CENPF: variants seen among roughly 807,000 people sequenced by gnomAD.
The protein encoded by CENPF is centromere protein F.
In CENPF, 214 loss-of-function variants were observed where a neutral mutation model predicts 307.3. The ratio of observed to expected loss-of-function variants is 0.70; its 90% CI spans 0.62 to 0.78. CENPF has a LOEUF of 0.78. CENPF is among the 30% of genes least tolerant of loss of function. The pLI, the probability that CENPF is intolerant of heterozygous loss-of-function variation, is 0.00. For missense variants in CENPF, 3,401 were observed against 3,483.9 expected (o/e 0.98, Z 0.60); for synonymous variants, 1,259 against 1,270.6 (o/e 0.99, Z 0.19).
rs111484686 is a variant in CENPF, at chr1:214,641,451, A to G, written c.3113A>G (p.Asp1038Gly). The change falls in exon 12 of 20, where the codon GAT becomes GGT. Residue 1038 changes from aspartate (D) to glycine (G), a missense_variant. Coordinates refer to ENST00000366955, the MANE Select transcript of CENPF (RefSeq NM_016343.4). Reference protein sequence around the residue: ...RCEETGNAYEDLSQKYKAAQE... With the variant: ...RCEETGNAYEGLSQKYKAAQE... ...GAAGAAACCGGAAATGCATATGAGG[A>G]TCTTAGTCAAAAATACAAAGCAGCA... 3.8e-5 allele frequency: 59 copies of G among 1,549,566 alleles called. No individual in the cohort carries two copies. In the African/African-American group the frequency reaches 6.5e-4, roughly 17 times the overall value.
At chr1:214,628,567 C>A (rs1380825732) in intron 7 of CENPF, among the ~76,000 whole-genome samples, 1 of 152,210 alleles carries the variant, frequency 6.6e-6, no homozygotes, top group Non-Finnish European at 1.5e-5. Flanking sequence ...CCTCAGTCTC[C>A]CCAGTAACTG....
intron 12 of CENPF, 38 bp downstream of exon 12, chr1:214,643,362 C>G (rs1425890052): frequency 6.9e-7 from 1 of 1,441,770 alleles, no homozygotes; most frequent in Non-Finnish European, 9.2e-7. Flanking sequence ...TCTCGGTTTA[C>G]ATGACTAGTG....
At chr1:214,618,197 TCCCCACCA>T (rs1376722434) in intron 3 of CENPF, among the ~76,000 whole-genome samples, 15 of 151,932 alleles carry the variant, frequency 9.9e-5, no homozygotes, top group African/African-American at 3.6e-4. Context: ...TCTCACCGGG[TCCCCACCA>T]CCCCACCACA....
At chr1:214,625,098 TTTGA>T (rs1450132207) in intron 7 of CENPF, among the ~76,000 whole-genome samples, 1 of 152,246 alleles carries the variant, frequency 6.6e-6, no homozygotes, top group Non-Finnish European at 1.5e-5. Flanking sequence ...CCAGCTTTCC[TTTGA>T]TTGTTAGCAT....
At chr1:214,614,248 T>C (rs151182311) in intron 2 of CENPF, among the ~76,000 whole-genome samples, 1 of 152,250 alleles carries the variant, frequency 6.6e-6, no homozygotes, top group Non-Finnish European at 1.5e-5. Context: ...TGGAGATTGC[T>C]TTTGCACTGC....
intron 16 of CENPF, among the ~76,000 whole-genome samples, chr1:214,654,872 A>G (rs751977167): frequency 1.3e-5 from 2 of 152,214 alleles, no homozygotes; most frequent in Non-Finnish European, 2.9e-5. Context: ...GTGATTACAA[A>G]TGGGAACACA....
chr1:214,613,672 C>G (rs1280279994), intron 1 of CENPF, 42 bp from the exon 2 acceptor site: 35 of 1,361,440 alleles, frequency 2.6e-5, no homozygotes, highest in Non-Finnish European at 1.9e-5. Context: ...ACTTTGTTTC[C>G]TTTTACTGTG....
At chr1:214,627,641 G>T (rs1657692983) in intron 7 of CENPF, among the ~76,000 whole-genome samples, 1 of 151,946 alleles carries the variant, frequency 6.6e-6, no homozygotes, top group Admixed American at 6.6e-5. Flanking sequence ...CTCCCAAAGT[G>T]CTGGGATTAC....
intron 19 of CENPF, among the ~76,000 whole-genome samples, chr1:214,662,146 A>C (rs959935360): frequency 6.6e-6 from 1 of 151,888 alleles, no homozygotes; most frequent in Non-Finnish European, 1.5e-5. Context: ...TCTGTTTCCT[A>C]TGGGCTATCT....
At chr1:214,660,273 TTC>T (rs1434449493) in intron 19 of CENPF, among the ~76,000 whole-genome samples, 1 of 152,208 alleles carries the variant, frequency 6.6e-6, no homozygotes, top group Admixed American at 6.5e-5. Context: ...CTCTGAGATT[TTC>T]TTTCACTAAA....
intron 16 of CENPF, chr1:214,653,952 G>T (rs893067008): frequency 2.0e-5 from 3 of 152,112 alleles, no homozygotes; most frequent in Non-Finnish European, 4.4e-5. Flanking sequence ...AAAGGGTAAG[G>T]TTTACTGCAA....
At chr1:214,656,465 A>G (rs529582114) in intron 17 of CENPF, among the ~76,000 whole-genome samples, 15 of 152,254 alleles carry the variant, frequency 9.9e-5, no homozygotes, top group African/African-American at 3.6e-4. Flanking sequence ...TTGCCTTCAG[A>G]TGCTTTCAGA....
Position 214,645,461 on chromosome 1 carries a change from G to A in CENPF, c.5891G>A (p.Arg1964His), listed in dbSNP as rs78580151. 875 of 1,613,920 alleles carry A rather than the reference G, an allele frequency of 5.4e-4. 6 individuals are homozygous for A. In the African/African-American group the frequency reaches 9.8e-3, roughly 18 times the overall value. Residue 1964 changes from arginine to histidine, a missense_variant, in exon 13 of 20, where the codon CGT becomes CAT. Arg to His is a conservative substitution (Grantham distance 29). Transcript: ENST00000366955. Reference protein sequence around the residue: ...SVVTSERNQLRGELDTMSKKT... With the variant: ...SVVTSERNQLHGELDTMSKKT... ...GTCACAAGTGAGAGAAACCAGCTTC[G>A]TGGAGAATTAGATACTATGTCAAAA...
At position 214,663,900 on chromosome 1, in the gene CENPF, A is replaced by T. The variant is rs968626938; in HGVS notation, c.*106A>T. 2.4e-6 allele frequency: 2 copies of T among 830,780 alleles called. No homozygotes were observed. The highest frequency in any genetic ancestry group is 3.4e-5 in the African/African-American group (2 of 58,316). The allele number at this position is 830,780 out of a possible 1,614,324, so 51.5% of individuals were successfully genotyped here. On this transcript the variant is annotated 3_prime_UTR_variant, in exon 20 of 20. Coordinates refer to ENST00000366955, the MANE Select transcript of CENPF (RefSeq NM_016343.4). ...CAGGGCATGCTTTATTAGTGAGGAGAAAACAATTCCTTAGAAGTCTTAAAT... is the reference window on the plus strand; with the variant it reads ...CAGGGCATGCTTTATTAGTGAGGAGTAAACAATTCCTTAGAAGTCTTAAAT...
At chr1:214,656,458 C>T (rs1226978306) in intron 17 of CENPF, among the ~76,000 whole-genome samples, 1 of 152,148 alleles carries the variant, frequency 6.6e-6, no homozygotes, top group Admixed American at 6.5e-5. Context: ...TCCTCCATTG[C>T]CTTCAGATGC....
chr1:214,659,390 A>G lies in CENPF; in HGVS notation c.9141+362A>G, dbSNP rs1465204503. On this transcript the variant is annotated intron_variant, in intron 19 of 19. Coordinates refer to ENST00000366955, the MANE Select transcript of CENPF (RefSeq NM_016343.4). This position sits in a 1 kb window ranked among gnomAD's most constrained non-coding sequence, Gnocchi z 4.4. ...ATTGTTTGTTTCAAACTTTACTCTCACTTATCTGCCCCCAGCTGCTAATTC... is the reference window on the plus strand; with the variant it reads ...ATTGTTTGTTTCAAACTTTACTCTCGCTTATCTGCCCCCAGCTGCTAATTC... Among the ~76,000 whole-genome samples, 1 of 151,642 alleles carries G rather than the reference A, an allele frequency of 6.6e-6. No individual in the cohort carries two copies. The highest frequency in any genetic ancestry group is 2.4e-5 in the African/African-American group (1 of 41,242).
intron 3 of CENPF, among the ~76,000 whole-genome samples, chr1:214,615,525 A>G (rs1276397551): frequency 2.6e-5 from 4 of 152,176 alleles, no homozygotes; most frequent in Non-Finnish European, 5.9e-5. Flanking sequence ...AAGCTGCTGT[A>G]GAGAATGAGA....
At chr1:214,656,418 TA>T (rs1440423134) in intron 17 of CENPF, among the ~76,000 whole-genome samples, 3 of 152,188 alleles carry the variant, frequency 2.0e-5, no homozygotes, top group Non-Finnish European at 2.9e-5. Flanking sequence ...CCCACCTTTA[TA>T]GTGTTCCCCC....
rs557506562 is a variant in CENPF at position 214,641,012 on chromosome 1, A to G, written c.2674A>G (p.Thr892Ala). The G allele has an allele frequency of 7.0e-6, 11 of 1,574,590 alleles. No homozygotes were observed. In the East Asian group the frequency reaches 2.5e-4, roughly 35 times the overall value. Residue 892 changes from threonine to alanine, a missense_variant, in exon 12 of 20, where the codon ACT (threonine) becomes GCT (alanine). By Grantham distance (58) the Thr-to-Ala change is moderately conservative. Transcript: ENST00000366955. ...SQRISKLQED[T>A]SAHQNVVAET... is the part of the protein sequence containing the mutation. Reference sequence around the variant, plus strand: ...GCGCATTAGTAAGTTACAGGAAGACACTTCTGCTCACCAGAATGTTGTTGC... The same window carrying G: ...GCGCATTAGTAAGTTACAGGAAGACGCTTCTGCTCACCAGAATGTTGTTGC...
Sources: gnomAD v4.1 joint callset for allele counts (sites outside exome capture counted in the v4.1 genomes callset) on GRCh38, gnomAD v4.1.1 for gene constraint, Gnocchi (gnomAD v3.1) non-coding constraint, MANE v1.5 for transcripts, NCBI Gene and HGNC (gene_info 2026-07-23, HGNC 2026-07-21) for gene names.